The following WDR11 variants were observed in gnomAD, a reference collection of about 807,000 sequenced individuals.
The protein encoded by WDR11 is WD repeat-containing protein 11.
A neutral mutation model predicts 151.2 loss-of-function variants in WDR11; 83 were observed. That is an observed-to-expected ratio of 0.55 (90% CI 0.46 to 0.66). The LOEUF (loss-of-function observed/expected upper bound fraction) is 0.66. Ranked by LOEUF, WDR11 falls within the 30% of genes least tolerant of loss-of-function variation. The pLI, the probability that WDR11 is intolerant of heterozygous loss-of-function variation, is 0.00. For synonymous variants in WDR11, 484 were observed against 533.1 expected, an observed-to-expected ratio of 0.91 and a Z score of 1.27; for missense variants, 1,301 against 1,480.9, an observed-to-expected ratio of 0.88 and a Z score of 1.99.
intron 2 of WDR11, chr10:120,856,130 T>C (rs1441043018): frequency 6.6e-6 from 1 of 152,236 alleles, no homozygotes; most frequent in Non-Finnish European, 1.5e-5. Context: ...AAGAATTTAC[T>C]GTAAGTTCTT....
chr10:120,865,104 G>A lies in WDR11; in HGVS notation c.771G>A (p.Arg257=), dbSNP rs201708765. The change falls in exon 6 of 29, where the codon AGG becomes AGA. Residue 257 remains arginine, a synonymous_variant. Coordinates refer to ENST00000263461, the MANE Select transcript of WDR11 (RefSeq NM_018117.12). ...AGTTGGCATACCTGCCTTCAAAAAG[G>A]AATCACATGTTGTTGCTCTATCCTC... ...CLQLAYLPSK[R]NHMLLLYPRE... is the part of the protein sequence containing the mutation. 9.9e-5 allele frequency: 159 copies of A among 1,613,932 alleles called. No individual in the cohort carries two copies. In the Admixed American group the frequency reaches 1.0e-3, roughly 10 times the overall value.
At chr10:120,878,734 A>ATT (rs1846892913) in intron 12 of WDR11, among the ~76,000 whole-genome samples, 1 of 152,200 alleles carries the variant, frequency 6.6e-6, no homozygotes, top group Admixed American at 6.5e-5. Flanking sequence ...TTTTAAGTGC[A>ATT]TTGTTATATG....
chr10:120,861,809 A>C (rs1160010982), intron 4 of WDR11, among the ~76,000 whole-genome samples: 2 of 152,166 alleles, frequency 1.3e-5, no homozygotes, highest in African/African-American at 4.8e-5. Context: ...TTTCAGTCAT[A>C]AAAAGGCATA....
At chr10:120,895,829 T>C (rs1273601734) in intron 19 of WDR11, among the ~76,000 whole-genome samples, 3 of 152,210 alleles carry the variant, frequency 2.0e-5, no homozygotes, top group African/African-American at 4.8e-5. Flanking sequence ...CTTGAAAATA[T>C]ACTCTGTTGG....
chr10:120,853,457 G>A (rs965471840), intron 2 of WDR11, among the ~76,000 whole-genome samples: 7 of 152,024 alleles, frequency 4.6e-5, no homozygotes, highest in African/African-American at 7.3e-5. Context: ...AGTAGAGACC[G>A]GGTTTCACCA....
chr10:120,866,065 C>A (rs1461188300), intron 7 of WDR11, among the ~76,000 whole-genome samples: 1 of 150,846 alleles, frequency 6.6e-6, no homozygotes, highest in Non-Finnish European at 1.5e-5. Context: ...TATTATTATA[C>A]CCCCTTGACT....
intron 19 of WDR11, among the ~76,000 whole-genome samples, chr10:120,895,510 TA>T (rs879285991): frequency 1.0e-3 from 149 of 147,662 alleles, no homozygotes; most frequent in East Asian, 5.1e-3. Flanking sequence ...AAGTGGAAAT[TA>T]AAAAAAAAAA....
intron 21 of WDR11, among the ~76,000 whole-genome samples, chr10:120,901,718 T>C (rs912830834): frequency 1.3e-5 from 2 of 152,160 alleles, no homozygotes; most frequent in Admixed American, 1.3e-4. Context: ...AAATAATTAG[T>C]TTTTTCTATG....
Position 120,866,657 on chromosome 10 carries a change from G to T in WDR11, c.1083G>T (p.Met361Ile). ...CAAAAACCGTCCGTCCCTTCAGTAT[G>T]GTGTGCTGTCCTGTCAATGAGAATG... ...RVTKTVRPFS[M>I]VCCPVNENAA... The change falls in exon 8 of 29, where the codon ATG becomes ATT. Residue 361 changes from methionine (M) to isoleucine (I), a missense_variant. Met to Ile is a conservative substitution (Grantham distance 10, BLOSUM62 1). Around this residue, in one of 3 missense-constraint regions of WDR11, gnomAD observed 692 missense variants for 762.5 expected, o/e 0.91. Coordinates refer to ENST00000263461, the MANE Select transcript of WDR11 (RefSeq NM_018117.12). The T allele has an allele frequency of 6.2e-7, 1 of 1,614,172 alleles. No homozygotes were observed. The highest frequency in any genetic ancestry group is 8.5e-7 in the Non-Finnish European group (1 of 1,180,044).
At chr10:120,904,954 TG>T in intron 25 of WDR11, 143 bp downstream of exon 25, 1 of 963,406 alleles carries the variant, frequency 1.0e-6, no homozygotes, top group Non-Finnish European at 1.6e-6. Flanking sequence ...ATAAATCAGA[TG>T]AATATAATTG....
In WDR11 at chr10:120,886,828, C is replaced by T. The variant is rs1465027159; in HGVS notation, c.2113C>T (p.Pro705Ser). Residue 705 changes from proline to serine, a missense_variant, in exon 16 of 29, where the codon CCA (proline) becomes TCA (serine). By Grantham distance (74) the Pro-to-Ser change is moderately conservative (BLOSUM62 -1). Coordinates refer to ENST00000263461, the MANE Select transcript of WDR11 (RefSeq NM_018117.12). ...GNSVKDSARIPPDGSMGSITC... is the reference protein window; with the variant it reads ...GNSVKDSARISPDGSMGSITC... ...CTCAGTAAAAGACAGTGCTCGGATTCCACCAGATGTGAGTACAACCTTGAT... is the reference window on the plus strand; with the variant it reads ...CTCAGTAAAAGACAGTGCTCGGATTTCACCAGATGTGAGTACAACCTTGAT... 6.2e-7 allele frequency: 1 copy of T among 1,614,002 alleles called. No homozygotes were observed. The highest frequency in any genetic ancestry group is 8.5e-7 in the Non-Finnish European group (1 of 1,179,962).
At chr10:120,868,452 A>G (rs1590068615) in intron 9 of WDR11, among the ~76,000 whole-genome samples, 3 of 152,214 alleles carry the variant, frequency 2.0e-5, no homozygotes, top group South Asian at 2.1e-4. Context: ...GCGAGACTCG[A>G]TCTCAAAAAC....
chr10:120,904,217 A>C, intron 24 of WDR11, 75 bp downstream of exon 24: 2 of 1,146,704 alleles, frequency 1.7e-6, no homozygotes. Context: ...ATATATCTGT[A>C]TGTATATATT....
rs544018365 is a variant in WDR11 at position 120,908,650 on chromosome 10, A to C, written c.3612A>C (p.Gly1204=). Residue 1204 remains glycine (G), a synonymous_variant, in exon 29 of 29, where the codon GGA becomes GGC. Coordinates refer to ENST00000263461, the MANE Select transcript of WDR11 (RefSeq NM_018117.12). ...CAGTTCTCTTTGCTTCAAAAGCCGGAGCAGCTGGCAAAGACTTATTGAATG... is the reference window on the plus strand; with the variant it reads ...CAGTTCTCTTTGCTTCAAAAGCCGGCGCAGCTGGCAAAGACTTATTGAATG... ...QGAVLFASKA[G]AAGKDLLNEL... is the part of the protein sequence containing the mutation. The C allele has an allele frequency of 6.2e-7, 1 of 1,614,206 alleles. No individual in the cohort carries two copies. The highest frequency in any genetic ancestry group is 1.1e-5 in the South Asian group (1 of 91,084).
At chr10:120,869,454 G>C (rs1846447969) in intron 9 of WDR11, among the ~76,000 whole-genome samples, 1 of 149,334 alleles carries the variant, frequency 6.7e-6, no homozygotes, top group Non-Finnish European at 1.5e-5. Flanking sequence ...GGATTGTATA[G>C]CAGTTCTTGA....
intron 16 of WDR11, among the ~76,000 whole-genome samples, chr10:120,888,162 A>T (rs1430665663): frequency 1.3e-5 from 2 of 152,234 alleles, no homozygotes; most frequent in African/African-American, 2.4e-5. Flanking sequence ...TAAATAGAGA[A>T]GTAATTGAGC....
At position 120,887,460 on chromosome 10, in the gene WDR11, T is replaced by A. The variant is rs12416594; in HGVS notation, c.2121+624T>A. 8.2e-3 allele frequency among the ~76,000 whole-genome samples: 1,252 copies of A among 152,276 alleles called. 15 individuals are homozygous for A. Among genetic ancestry groups the A allele is most frequent in the Non-Finnish European group, 0.012 (845 of 68,012 alleles). ...CTATTATAATGGTTAAATGAAGGCA[T>A]GAGGGGATTTTTTAAAATAGGTATA... is the stretch of plus-strand genomic sequence containing the variant. On this transcript the variant is annotated intron_variant, in intron 16 of 28. Transcript: ENST00000263461.
chr10:120,862,973 A>G, intron 5 of WDR11, 52 bp downstream of exon 5: 2 of 1,241,928 alleles, frequency 1.6e-6, no homozygotes, highest in Middle Eastern at 2.0e-4. Context: ...GTATGAAAGC[A>G]TCATTTTTGG....
intron 9 of WDR11, among the ~76,000 whole-genome samples, chr10:120,870,311 TTA>T (rs1170723688): frequency 1.3e-5 from 2 of 152,328 alleles, no homozygotes; most frequent in Middle Eastern, 3.4e-3. Context: ...ATGTTTGTGT[TTA>T]TGTGTGTGTA....
Sources: allele counts gnomAD v4.1 joint callset (sites outside exome capture counted in the v4.1 genomes callset), GRCh38; gene constraint gnomAD v4.1.1; regional missense constraint gnomAD v4.1.1; transcripts MANE v1.5; gene names NCBI Gene and HGNC (gene_info 2026-07-23, HGNC 2026-07-21).